RAG1: variants seen among roughly 807,000 people sequenced by gnomAD.
The protein encoded by RAG1 is recombination activating 1, also known as V(D)J recombination-activating protein 1.
Under a neutral mutation model 62.7 loss-of-function variants are expected in RAG1, and 35 were observed. The ratio of observed to expected loss-of-function variants is 0.56; its 90% CI spans 0.43 to 0.74. RAG1 has a LOEUF of 0.74. Ranked by LOEUF, RAG1 falls within the 30% of genes least tolerant of loss-of-function variation. The pLI is 0.00. For synonymous variants in RAG1, 461 were observed against 470.3 expected (o/e 0.98, Z 0.26); for missense variants, 1,169 against 1,278.6 (o/e 0.91, Z 1.31).
Position 36,574,937 on chromosome 11 carries a change from T to C in RAG1, c.1633T>C (p.Ser545Pro). 1 of 1,614,236 alleles carries C rather than the reference T, an allele frequency of 6.2e-7. No homozygotes were observed. The highest frequency in any genetic ancestry group is 8.5e-7 in the Non-Finnish European group (1 of 1,180,042). ...CATTATTGATGGGCTGTCTGGACTA[T>C]CATCCTCTGTGGATGATTACCCAGT... The part of the protein sequence containing the change: ...VGIIDGLSGL[S>P]SSVDDYPVDT... The change falls in exon 2 of 2, where the codon TCA (serine) becomes CCA (proline). Residue 545 changes from serine to proline, a missense_variant. Coordinates refer to ENST00000299440, the MANE Select transcript of RAG1 (RefSeq NM_000448.3).
rs1850844726 is a variant in RAG1 at position 36,576,042 on chromosome 11, G to A, written c.2738G>A (p.Ser913Asn). Residue 913 changes from serine (S) to asparagine (N), a missense_variant, in exon 2 of 2, where the codon AGT (serine) becomes AAT (asparagine). Physicochemically the swap from Ser to Asn is conservative, Grantham distance 46. Transcript: ENST00000299440. ...TGCCCAGAATCCCTCTGCCAGTACA[G>A]TTTCAATTCACAGCGTTTTGCTGAG... is the stretch of plus-strand genomic sequence containing the variant. ...KECPESLCQY[S>N]FNSQRFAELL... The A allele has an allele frequency of 1.9e-6, 3 of 1,614,002 alleles. No homozygotes were observed. Among genetic ancestry groups the A allele is most frequent in the Non-Finnish European group, 1.7e-6 (2 of 1,180,048 alleles).
chr11:36,568,654 T>G (rs1850694191), intron 1 of RAG1, among the ~76,000 whole-genome samples: 1 of 152,232 alleles, frequency 6.6e-6, no homozygotes, highest in Non-Finnish European at 1.5e-5. Context: ...GCCAGACTCT[T>G]TGGGACCTGA....
At chr11:36,544,360 A>C (rs1260594849) in intron 3 of RAG1, among the ~76,000 whole-genome samples, 1 of 152,170 alleles carries the variant, frequency 6.6e-6, no homozygotes, top group African/African-American at 2.4e-5. Flanking sequence ...CTGATAGAAC[A>C]CAAAGAAAGC....
chr11:36,531,182 A>G (rs1172811250), intron 2 of RAG1, among the ~76,000 whole-genome samples: 1 of 151,972 alleles, frequency 6.6e-6, no homozygotes, highest in Non-Finnish European at 1.5e-5. Context: ...TGTTTACATG[A>G]AAAATTTCCC....
chr11:36,537,345 C>T (rs1363914151), downstream of RAG1, among the ~76,000 whole-genome samples: 4 of 152,152 alleles, frequency 2.6e-5, no homozygotes, highest in Middle Eastern at 3.4e-3. Context: ...AGAAAATTTT[C>T]GGAGGTGATA....
intron 1 of RAG1, among the ~76,000 whole-genome samples, chr11:36,513,615 G>C (rs1859956209): frequency 6.6e-6 from 1 of 152,190 alleles, no homozygotes; most frequent in African/African-American, 2.4e-5. Context: ...TCACACAGCT[G>C]ATAAAGACAT....
intron 2 of RAG1, among the ~76,000 whole-genome samples, chr11:36,523,059 T>G (rs2133696897): frequency 6.6e-6 from 1 of 152,268 alleles, no homozygotes. Context: ...TGTGGACTTT[T>G]GAGTTAATGC....
chr11:36,525,463 T>A (rs956564911), intron 2 of RAG1, among the ~76,000 whole-genome samples: 2 of 152,160 alleles, frequency 1.3e-5, no homozygotes, highest in African/African-American at 4.8e-5. Flanking sequence ...TTGTGTTAGA[T>A]TTGTGTATTA....
chr11:36,538,755 A>C (rs1860370019), downstream of RAG1, among the ~76,000 whole-genome samples: 3 of 152,082 alleles, frequency 2.0e-5, no homozygotes, highest in Admixed American at 6.5e-5. Flanking sequence ...CTGCTTCTCA[A>C]ATACTTGTGA....
intron 2 of RAG1, among the ~76,000 whole-genome samples, chr11:36,525,776 T>G (rs1472119369): frequency 6.6e-6 from 1 of 152,198 alleles, no homozygotes; most frequent in Non-Finnish European, 1.5e-5. Context: ...CTAAACTCAC[T>G]TTTTAAATTC....
At chr11:36,535,890 C>A (rs1284168776) in intron 2 of RAG1, 1 of 151,756 alleles carries the variant, frequency 6.6e-6, no homozygotes, top group African/African-American at 2.4e-5. Context: ...TATCATTAAC[C>A]CATGAAAAAT....
chr11:36,524,001 C>T (rs1221717932), intron 2 of RAG1, among the ~76,000 whole-genome samples: 1 of 152,166 alleles, frequency 6.6e-6, no homozygotes, highest in Non-Finnish European at 1.5e-5. Flanking sequence ...CCCCAAACTA[C>T]TAATCTGTTC....
rs199474676 is a variant in RAG1 at position 36,575,399 on chromosome 11, C to T, written c.2095C>T (p.Arg699Trp). The T allele has an allele frequency of 6.2e-6, 10 of 1,613,786 alleles. No homozygotes were observed. Among genetic ancestry groups the T allele is most frequent in the Middle Eastern group, 1.6e-4 (1 of 6,084 alleles). ...ELMLELGGIL[R>W]TFKFIFRGTG... is the part of the protein sequence containing the mutation. ...AATGCTTGAGCTGGGAGGCATTCTC[C>T]GGACTTTCAAGTTCATCTTCAGGGG... Residue 699 changes from arginine to tryptophan, a missense_variant, in exon 2 of 2, where the codon CGG becomes TGG. By Grantham distance (101) the Arg-to-Trp change is moderately radical. This residue lies in a region of RAG1 where 800 missense variants were observed against 943.3 expected (regional missense o/e 0.85). Coordinates refer to ENST00000299440, the MANE Select transcript of RAG1 (RefSeq NM_000448.3). The surrounding 1 kb of genome is among the most constrained non-coding windows in gnomAD (Gnocchi z 4.1).
At chr11:36,561,239 C>T (rs141355059) in intron 3 of RAG1, among the ~76,000 whole-genome samples, 1 of 152,200 alleles carries the variant, frequency 6.6e-6, no homozygotes, top group Non-Finnish European at 1.5e-5. Context: ...CCTTTCCACA[C>T]TGTACAAGGT....
chr11:36,536,634 A>ATAAAT (rs146558626), downstream of RAG1, among the ~76,000 whole-genome samples: 145,769 of 151,640 alleles, frequency 0.96, 70,285 homozygotes, highest in Non-Finnish European at 1. Flanking sequence ...TAAAAGACAA[A>ATAAAT]TAAGAAGAAA....
downstream of RAG1, among the ~76,000 whole-genome samples, chr11:36,539,992 T>C (rs935071764): frequency 6.6e-6 from 1 of 152,224 alleles, no homozygotes; most frequent in Non-Finnish European, 1.5e-5. Context: ...TATCATCTGC[T>C]CAATTAACCT....
chr11:36,551,919 C>A (rs532077182), intron 3 of RAG1, among the ~76,000 whole-genome samples: 2 of 127,736 alleles, frequency 1.6e-5, no homozygotes, highest in Admixed American at 1.7e-4. Context: ...ATCCATGTCC[C>A]TACAAAGGAT....
upstream of RAG1, among the ~76,000 whole-genome samples, chr11:36,566,777 C>T (rs554288365): frequency 1.1e-4 from 16 of 152,342 alleles, 1 homozygote; most frequent in South Asian, 2.9e-3. Flanking sequence ...CCCAGTGTTA[C>T]TGCAGTGGCT....
In RAG1 at chr11:36,575,338, C is replaced by T. The variant is rs1564989554; in HGVS notation, c.2034C>T (p.Leu678=). ...HETLTAILSP[L]IAEREAMKSS... ...CGCTGACTGCCATCCTGAGTCCTCT[C>T]ATTGCTGAGAGGGAGGCCATGAAGA... The change falls in exon 2 of 2, where the codon CTC becomes CTT. Residue 678 remains leucine, a synonymous_variant. Coordinates refer to ENST00000299440, the MANE Select transcript of RAG1 (RefSeq NM_000448.3). The surrounding 1 kb of genome is among the most constrained non-coding windows in gnomAD (Gnocchi z 4.1). 6.2e-7 allele frequency: 1 copy of T among 1,614,146 alleles called. No individual in the cohort carries two copies. The highest frequency in any genetic ancestry group is 8.5e-7 in the Non-Finnish European group (1 of 1,180,026).
Sources: allele counts gnomAD v4.1 joint callset (sites outside exome capture counted in the v4.1 genomes callset), GRCh38; gene constraint gnomAD v4.1.1; regional missense constraint gnomAD v4.1.1; non-coding constraint Gnocchi (gnomAD v3.1); transcripts MANE v1.5; gene names NCBI Gene and HGNC (gene_info 2026-07-23, HGNC 2026-07-21).